TAFA5: variants seen among roughly 807,000 people sequenced by gnomAD.
TAFA5 encodes TAFA chemokine like family member 5.
Under a neutral mutation model 15.3 loss-of-function variants are expected in TAFA5, and 6 were observed. That is an observed-to-expected ratio of 0.39 (90% confidence interval 0.21 to 0.77). The LOEUF (loss-of-function observed/expected upper bound fraction) is 0.77, where lower values mean the gene tolerates loss of function less well. Ranked by LOEUF, TAFA5 falls within the 30% of genes least tolerant of loss-of-function variation. The pLI is 0.41. For missense variants in TAFA5, 161 were observed against 193.1 expected (o/e 0.83, Z 0.98); for synonymous variants, 103 against 80.7 (o/e 1.28, Z -1.48).
At chr22:48,531,449 G>C (rs997353286) in intron 1 of TAFA5, among the ~76,000 whole-genome samples, 2 of 152,184 alleles carry the variant, frequency 1.3e-5, no homozygotes, top group African/African-American at 4.8e-5. Flanking sequence ...ACCCGCCCCG[G>C]TGCCCTGTGG....
intron 1 of TAFA5, among the ~76,000 whole-genome samples, chr22:48,525,707 T>C (rs133487): frequency 0.95 from 144,114 of 152,246 alleles, 68,324 homozygotes; most frequent in Middle Eastern, 0.99. Context: ...GCTGCTGGCC[T>C]GGTACCCCGC....
intron 1 of TAFA5, among the ~76,000 whole-genome samples, chr22:48,630,804 G>GCTT (rs10676402): frequency 0.86 from 130,597 of 151,956 alleles, 56,575 homozygotes; most frequent in African/African-American, 0.96. Flanking sequence ...CGGCTGTGGG[G>GCTT]CTTTTGTTTC....
At chr22:48,592,359 C>G (rs1052642556) in intron 1 of TAFA5, among the ~76,000 whole-genome samples, 2 of 152,238 alleles carry the variant, frequency 1.3e-5, no homozygotes, top group Non-Finnish European at 2.9e-5. Context: ...TCCCCATGCC[C>G]TGTCTGCTGC....
At chr22:48,573,253 T>C (rs529843103) in intron 1 of TAFA5, among the ~76,000 whole-genome samples, 100 of 152,260 alleles carry the variant, frequency 6.6e-4, no homozygotes, top group Non-Finnish European at 1.0e-3. Context: ...ATCCTTCTGT[T>C]GGTTCCCACC....
chr22:48,613,543 C>G (rs1925487903), intron 1 of TAFA5, among the ~76,000 whole-genome samples: 1 of 152,236 alleles, frequency 6.6e-6, no homozygotes, highest in Non-Finnish European at 1.5e-5. Flanking sequence ...TTGAGACGGA[C>G]TCCTGGCCCT....
chr22:48,496,997 T>C (rs1457115794), intron 1 of TAFA5, among the ~76,000 whole-genome samples: 1 of 152,200 alleles, frequency 6.6e-6, no homozygotes, highest in Non-Finnish European at 1.5e-5. Context: ...GAGGAGCTGC[T>C]GGACTGGAGG....
Position 48,489,600 on chromosome 22 carries a change from C to T in TAFA5, c.8C>T (p.Pro3Leu), listed in dbSNP as rs1928064839. MA[P>L]SPRTGSRQDA... ...GCGGGCGCCGCGGCTTCAATGGCGC[C>T]ATCGCCCAGGACCGGCAGCCGGCAA... is the stretch of plus-strand genomic sequence containing the variant. Residue 3 changes from proline (P) to leucine (L), a missense_variant, in exon 1 of 4, where the codon CCA (proline) becomes CTA (leucine). Pro to Leu is a moderately conservative substitution (Grantham distance 98, BLOSUM62 -3). Coordinates refer to ENST00000402357, the MANE Select transcript of TAFA5 (RefSeq NM_001082967.3). This position sits in a 1 kb window ranked among gnomAD's most constrained non-coding sequence, Gnocchi z 5.5. 1.4e-6 allele frequency: 2 copies of T among 1,475,700 alleles called. No homozygotes were observed. The highest frequency in any genetic ancestry group is 1.8e-6 in the Non-Finnish European group (2 of 1,107,914). The allele number at this position is 1,475,700 out of a possible 1,614,324, so 91.4% of individuals were successfully genotyped here.
At chr22:48,508,150 C>G (rs1266469367) in intron 1 of TAFA5, among the ~76,000 whole-genome samples, 1 of 152,190 alleles carries the variant, frequency 6.6e-6, no homozygotes, top group African/African-American at 2.4e-5. Context: ...CTGTTTCTCT[C>G]TCAGGGAGGT....
At chr22:48,597,211 G>A (rs754456767) in intron 1 of TAFA5, among the ~76,000 whole-genome samples, 15 of 152,222 alleles carry the variant, frequency 9.9e-5, no homozygotes, top group Admixed American at 3.9e-4. Context: ...TTCCCTGAGC[G>A]TGTCCCCAGA....
intron 1 of TAFA5, among the ~76,000 whole-genome samples, chr22:48,564,252 A>G: frequency 6.6e-6 from 1 of 152,256 alleles, no homozygotes; most frequent in East Asian, 1.9e-4. Context: ...TTGTGGCGGA[A>G]CAGGGACGCT....
chr22:48,518,033 C>T (rs1921475850), intron 1 of TAFA5, among the ~76,000 whole-genome samples: 1 of 152,224 alleles, frequency 6.6e-6, no homozygotes, highest in African/African-American at 2.4e-5. Flanking sequence ...GCCGTGGTCA[C>T]AGGCGGCTGG....
At position 48,530,858 on chromosome 22, in the gene TAFA5, G is replaced by A. The variant is rs1921947081; in HGVS notation, c.112+41154G>A. On this transcript the variant is annotated intron_variant, in intron 1 of 3. Transcript: ENST00000402357. This position sits in a 1 kb window ranked among gnomAD's most constrained non-coding sequence, Gnocchi z 6.0. ...GGCTATGGGCTTCGACAAAGCAGGG[G>A]AGAAATGTCCCTCGGGTTCCAAATG... is the stretch of plus-strand genomic sequence containing the variant. Among the ~76,000 whole-genome samples the A allele has an allele frequency of 1.3e-5, 2 of 152,174 alleles. No individual in the cohort carries two copies. The highest frequency in any genetic ancestry group is 6.5e-5 in the Admixed American group (1 of 15,286).
At chr22:48,702,155 G>C (rs1351648702) in intron 2 of TAFA5, among the ~76,000 whole-genome samples, 1 of 152,120 alleles carries the variant, frequency 6.6e-6, no homozygotes, top group Non-Finnish European at 1.5e-5. Context: ...GTGTGCGTTT[G>C]TGTGTGGACA....
At chr22:48,659,711 G>A (rs557379079) in intron 2 of TAFA5, among the ~76,000 whole-genome samples, 84 of 152,130 alleles carry the variant, frequency 5.5e-4, no homozygotes, top group African/African-American at 1.8e-3. Flanking sequence ...AGCAGGGGCC[G>A]GTGCTGGGAA....
chr22:48,584,284 C>CCCCA (rs1555889854), intron 1 of TAFA5, among the ~76,000 whole-genome samples: 8 of 147,950 alleles, frequency 5.4e-5, no homozygotes, highest in African/African-American at 2.0e-4. Flanking sequence ...CACACACACA[C>CCCCA]CACACACAGC....
chr22:48,662,326 C>T (rs1055286021), intron 2 of TAFA5, among the ~76,000 whole-genome samples: 5 of 152,130 alleles, frequency 3.3e-5, no homozygotes, highest in East Asian at 3.9e-4. Context: ...CCGGGAGCCT[C>T]GGGGGTGCCA....
intron 1 of TAFA5, among the ~76,000 whole-genome samples, chr22:48,579,873 A>G (rs73890909): frequency 1.3e-3 from 202 of 152,326 alleles, no homozygotes; most frequent in African/African-American, 4.6e-3. Context: ...AAGCCGGGAA[A>G]TCATTCGGCC....
At chr22:48,529,402 G>A (rs1921893622) in intron 1 of TAFA5, among the ~76,000 whole-genome samples, 1 of 107,600 alleles carries the variant, frequency 9.3e-6, no homozygotes, top group Non-Finnish European at 1.9e-5. Flanking sequence ...GAGGGTGTCA[G>A]GCAGGAGATG....
At chr22:48,551,298 A>T (rs133469) in intron 1 of TAFA5, among the ~76,000 whole-genome samples, 1 of 151,986 alleles carries the variant, frequency 6.6e-6, no homozygotes, top group East Asian at 2.0e-4. Context: ...GGAGGAAAAC[A>T]CCAGCCGAGG....
Sources: gnomAD v4.1 joint callset for allele counts (sites outside exome capture counted in the v4.1 genomes callset) on GRCh38, gnomAD v4.1.1 for gene constraint, Gnocchi (gnomAD v3.1) non-coding constraint, MANE v1.5 for transcripts, NCBI Gene and HGNC (gene_info 2026-07-23, HGNC 2026-07-21) for gene names.